Variants in P2RY12 observed in about 807,000 individuals in gnomAD.
P2RY12 encodes purinergic receptor P2Y12, also known as P2Y purinoceptor 12.
A neutral mutation model predicts 4.5 loss-of-function variants in P2RY12; 3 were observed. That is an observed-to-expected ratio of 0.67 (90% CI 0.31 to 1.74). P2RY12 has a LOEUF of 1.74. P2RY12 is among the 40% of genes most tolerant of loss of function. P2RY12 has a pLI of 0.09. For synonymous variants in P2RY12, 148 were observed against 154.1 expected, an observed-to-expected ratio of 0.96 and a Z score of 0.29; for missense variants, 356 against 407.8, an observed-to-expected ratio of 0.87 and a Z score of 1.09.
At chr3:151,342,359 C>T (rs115084327) in intron 1 of P2RY12, among the ~76,000 whole-genome samples, 70 of 152,296 alleles carry the variant, frequency 4.6e-4, no homozygotes, top group African/African-American at 1.3e-3. Flanking sequence ...GCTGTGAACA[C>T]GTTTTGGTTT....
At chr3:151,379,867 A>G (rs1194924676) in intron 1 of P2RY12, among the ~76,000 whole-genome samples, 1 of 152,204 alleles carries the variant, frequency 6.6e-6, no homozygotes, top group Non-Finnish European at 1.5e-5. Flanking sequence ...GCATGCTCAC[A>G]TGCAGTATGG....
intron 1 of P2RY12, chr3:151,350,287 T>C: frequency 7.2e-7 from 1 of 1,390,266 alleles, no homozygotes; most frequent in South Asian, 1.3e-5. Context: ...AAGTGTTCTA[T>C]GTCACTGTCA....
intron 1 of P2RY12, among the ~76,000 whole-genome samples, chr3:151,349,246 A>C (rs1752934344): frequency 6.7e-6 from 1 of 148,926 alleles, no homozygotes; most frequent in African/African-American, 2.6e-5. Flanking sequence ...TTTCTTTCCC[A>C]CGTGGGGAAA....
At chr3:151,349,416 A>ACATGTATCT (rs1752953700) in intron 1 of P2RY12, among the ~76,000 whole-genome samples, 1 of 152,178 alleles carries the variant, frequency 6.6e-6, no homozygotes, top group African/African-American at 2.4e-5. Flanking sequence ...AAATAAATAT[A>ACATGTATCT]CATGTATCTC....
At chr3:151,383,695 C>CA (rs774859271) in intron 1 of P2RY12, 1 of 818,574 alleles carries the variant, frequency 1.2e-6, no homozygotes, top group Non-Finnish European at 1.9e-6. Context: ...AAATAAAAAA[C>CA]AATCAAAATT....
chr3:151,337,656 T>A lies in P2RY12; in HGVS notation c.*161A>T, dbSNP rs1040519652. 8.6e-6 allele frequency: 6 copies of A among 698,020 alleles called. No individual in the cohort carries two copies. The Admixed American group carries it at 9.0e-5, about 11-fold the overall frequency. The allele number at this position is 698,020 out of a possible 1,614,324, so 43.2% of individuals were successfully genotyped here. A position where few individuals can be genotyped will look rare whatever the true frequency, so the allele number is the denominator to read the frequency against. On this transcript the variant is annotated 3_prime_UTR_variant, in exon 3 of 3. Transcript: ENST00000302632. ...TTCTATATTTTAAGATAGCTTTTCA[T>A]ACTGGAAAGGTAAATGAAAATTGCT...
intron 1 of P2RY12, among the ~76,000 whole-genome samples, chr3:151,352,360 T>A (rs1165591600): frequency 1.3e-5 from 2 of 152,180 alleles, no homozygotes; most frequent in African/African-American, 4.8e-5. Flanking sequence ...TGGAACCACA[T>A]CGTTGGGAGG....
chr3:151,372,134 A>G (rs1425958700), intron 1 of P2RY12, among the ~76,000 whole-genome samples: 1 of 152,198 alleles, frequency 6.6e-6, no homozygotes, highest in African/African-American at 2.4e-5. Context: ...CTCTTGACCT[A>G]TGGATAGAAA....
chr3:151,357,004 A>G (rs1754012239), intron 1 of P2RY12, among the ~76,000 whole-genome samples: 1 of 152,174 alleles, frequency 6.6e-6, no homozygotes, highest in African/African-American at 2.4e-5. Flanking sequence ...TTATTTCAGC[A>G]CTGGGTACTT....
intron 1 of P2RY12, among the ~76,000 whole-genome samples, chr3:151,366,721 A>G (rs1259229066): frequency 6.6e-6 from 1 of 152,082 alleles, no homozygotes; most frequent in Non-Finnish European, 1.5e-5. Context: ...GCTAATCAGG[A>G]CTGGTTGGAT....
intron 1 of P2RY12, chr3:151,383,893 G>A (rs144173444): frequency 6.2e-7 from 1 of 1,608,892 alleles, no homozygotes; most frequent in Non-Finnish European, 8.5e-7. Context: ...TAACAAGTAT[G>A]TTTTTATCAC....
At chr3:151,353,721 G>T (rs1187601372) in intron 1 of P2RY12, among the ~76,000 whole-genome samples, 13 of 152,148 alleles carry the variant, frequency 8.5e-5, no homozygotes, top group Non-Finnish European at 4.4e-5. Context: ...GTGAAATCTT[G>T]TTCATTTCTT....
chr3:151,383,143 CAA>C (rs1217920336), intron 1 of P2RY12, among the ~76,000 whole-genome samples: 2 of 152,314 alleles, frequency 1.3e-5, no homozygotes, highest in African/African-American at 4.8e-5. Flanking sequence ...ATTATAAAGA[CAA>C]ATCCCACAGA....
intron 1 of P2RY12, among the ~76,000 whole-genome samples, chr3:151,344,807 T>C (rs549246920): frequency 1.3e-5 from 2 of 152,356 alleles, no homozygotes; most frequent in Non-Finnish European, 2.9e-5. Flanking sequence ...TTAAAAATTC[T>C]ATGATAATTG....
intron 1 of P2RY12, among the ~76,000 whole-genome samples, chr3:151,362,148 A>G (rs989245982): frequency 6.6e-6 from 1 of 151,858 alleles, no homozygotes; most frequent in Non-Finnish European, 1.5e-5. Flanking sequence ...CGCTGTGGAT[A>G]CCTCTGCTTG....
chr3:151,350,303 G>C (rs1310598167), intron 1 of P2RY12: 3 of 1,177,782 alleles, frequency 2.5e-6, no homozygotes, highest in East Asian at 5.0e-5. Context: ...TGTCAACAGA[G>C]CGTTTCCCCT....
intron 1 of P2RY12, among the ~76,000 whole-genome samples, chr3:151,356,287 G>C (rs535128327): frequency 6.6e-6 from 1 of 152,062 alleles, no homozygotes; most frequent in Non-Finnish European, 1.5e-5. Flanking sequence ...AGCTACTTGG[G>C]AGGCTGAGGC....
At chr3:151,364,194 A>T (rs979348910) in intron 1 of P2RY12, among the ~76,000 whole-genome samples, 2 of 152,184 alleles carry the variant, frequency 1.3e-5, no homozygotes, top group African/African-American at 4.8e-5. Context: ...TTTTACATCA[A>T]ATCTTTCTGC....
intron 1 of P2RY12, among the ~76,000 whole-genome samples, chr3:151,356,428 A>ATCAATGAACCAATTGCTG (rs1472229406): frequency 3.0e-4 from 46 of 152,278 alleles, no homozygotes; most frequent in African/African-American, 1.0e-3. Context: ...AAAAATAAAA[A>ATCAATGAACCAATTGCTG]TCAATGAACC....
Sources: allele counts gnomAD v4.1 joint callset (sites outside exome capture counted in the v4.1 genomes callset), GRCh38; gene constraint gnomAD v4.1.1; transcripts MANE v1.5; gene names NCBI Gene and HGNC (gene_info 2026-07-23, HGNC 2026-07-21).